The following ZMAT4 variants were observed in gnomAD, a reference collection of about 807,000 sequenced individuals.
ZMAT4 encodes zinc finger matrin-type 4.
In ZMAT4, 17 loss-of-function variants were observed where a neutral mutation model predicts 28.7. The observed-to-expected ratio is 0.59, with a 90% confidence interval of 0.41 to 0.89. ZMAT4 has a LOEUF of 0.89. Ranked by LOEUF, ZMAT4 falls within the 40% of genes least tolerant of loss-of-function variation. ZMAT4 has a pLI of 0.00. For synonymous variants in ZMAT4, 117 were observed against 109.2 expected (o/e 1.07, Z -0.44); for missense variants, 240 against 283.8 (o/e 0.85, Z 1.11).
intron 5 of ZMAT4, among the ~76,000 whole-genome samples, chr8:40,631,217 G>T (rs578180429): frequency 6.6e-6 from 1 of 152,244 alleles, no homozygotes; most frequent in African/African-American, 2.4e-5. Flanking sequence ...CTCTCGCCCA[G>T]GCTGGAGTGC....
chr8:40,693,215 A>G (rs957530852), intron 4 of ZMAT4, among the ~76,000 whole-genome samples: 2 of 152,058 alleles, frequency 1.3e-5, no homozygotes, highest in African/African-American at 2.4e-5. Context: ...CTCCCAGGCT[A>G]AATCAATCCT....
intron 5 of ZMAT4, among the ~76,000 whole-genome samples, chr8:40,630,152 CT>C (rs1215540251): frequency 2.0e-5 from 3 of 152,224 alleles, no homozygotes; most frequent in Non-Finnish European, 4.4e-5. Context: ...CAAATTCTCT[CT>C]TGTTTGGACC....
intron 2 of ZMAT4, among the ~76,000 whole-genome samples, chr8:40,781,914 C>T (rs1813852566): frequency 6.6e-6 from 1 of 151,972 alleles, no homozygotes; most frequent in African/African-American, 2.4e-5. Flanking sequence ...AGTTGGACTC[C>T]TACCTCCTAC....
chr8:40,703,863 G>T (rs545718266), intron 3 of ZMAT4, among the ~76,000 whole-genome samples: 1 of 152,254 alleles, frequency 6.6e-6, no homozygotes, highest in South Asian at 2.1e-4. Context: ...TCTTTTCCAG[G>T]CATCCTCTTC....
intron 2 of ZMAT4, among the ~76,000 whole-genome samples, chr8:40,791,129 C>T (rs1814307651): frequency 6.6e-6 from 1 of 152,158 alleles, no homozygotes; most frequent in South Asian, 2.1e-4. Flanking sequence ...TAAAAATTAA[C>T]TCAAGATGGA....
chr8:40,633,605 C>T (rs570835353), intron 5 of ZMAT4, among the ~76,000 whole-genome samples: 4 of 152,160 alleles, frequency 2.6e-5, no homozygotes, highest in African/African-American at 7.2e-5. Context: ...GTAACAACAT[C>T]AAGGTAATGT....
intron 5 of ZMAT4, among the ~76,000 whole-genome samples, chr8:40,653,362 C>T (rs377090831): frequency 2.6e-5 from 4 of 151,534 alleles, no homozygotes; most frequent in African/African-American, 9.7e-5. Flanking sequence ...GAGCAAAATA[C>T]TCAATGAAAA....
At chr8:40,777,669 A>C (rs1813655054) in intron 2 of ZMAT4, among the ~76,000 whole-genome samples, 1 of 152,208 alleles carries the variant, frequency 6.6e-6, no homozygotes, top group South Asian at 2.1e-4. Context: ...GAGAGATCAC[A>C]TGTGAATGGA....
intron 5 of ZMAT4, among the ~76,000 whole-genome samples, chr8:40,670,147 C>G (rs1294101209): frequency 6.6e-6 from 1 of 152,100 alleles, no homozygotes; most frequent in Non-Finnish European, 1.5e-5. Context: ...CATTTCGAGA[C>G]TTCTAGAATG....
At chr8:40,753,469 T>C (rs538407505) in intron 3 of ZMAT4, among the ~76,000 whole-genome samples, 1 of 152,230 alleles carries the variant, frequency 6.6e-6, no homozygotes, top group Non-Finnish European at 1.5e-5. Context: ...TGGAGTTCTT[T>C]ATTCTAAGCT....
chr8:40,748,997 T>TGA (rs1192453872), intron 3 of ZMAT4, among the ~76,000 whole-genome samples: 3 of 151,992 alleles, frequency 2.0e-5, no homozygotes, highest in Non-Finnish European at 4.4e-5. Context: ...ATAAGTCTCA[T>TGA]GAGATCTGAT....
intron 1 of ZMAT4, among the ~76,000 whole-genome samples, chr8:40,881,433 G>GAGAAAGAAGGAA: frequency 2.8e-5 from 2 of 70,316 alleles, no homozygotes; most frequent in African/African-American, 1.2e-4. Context: ...AGAAGAAAGA[G>GAGAAAGAAGGAA]AGAAAGAAAG....
intron 1 of ZMAT4, among the ~76,000 whole-genome samples, chr8:40,855,444 C>G (rs1343811052): frequency 6.6e-6 from 1 of 152,098 alleles, no homozygotes; most frequent in Non-Finnish European, 1.5e-5. Context: ...AAAACTGTCT[C>G]TCTCCACAAA....
intron 5 of ZMAT4, among the ~76,000 whole-genome samples, chr8:40,616,177 C>A (rs1358024206): frequency 6.6e-6 from 1 of 152,142 alleles, no homozygotes; most frequent in Non-Finnish European, 1.5e-5. Context: ...CAAATCAAAA[C>A]CACAATGAGA....
At position 40,601,715 on chromosome 8, in the gene ZMAT4, AAGAAAGAAAGAAAGAG is replaced by A. The variant is rs1444770326; in HGVS notation, c.578-20470_578-20455del. 1.9e-4 allele frequency among the ~76,000 whole-genome samples: 12 copies of A among 64,738 alleles called. 1 individual carries two copies. The highest frequency in any genetic ancestry group is 7.3e-4 in the Admixed American group (5 of 6,886). The allele number at this position is 64,738 out of a possible 152,430, so 42.5% of individuals were successfully genotyped here. On this transcript the variant is annotated intron_variant, in intron 5 of 6. Transcript: ENST00000297737. ...AAGAAAGAAAGAAAGAAAAGAAAGAAAGAAAGAAAGAAAGAGAAAGCAGGCAGGCAGGCAGGCAAAG... is the reference window on the plus strand; with the variant it reads ...AAGAAAGAAAGAAAGAAAAGAAAGAAAAAGCAGGCAGGCAGGCAGGCAAAG...
chr8:40,845,864 G>A (rs1816874773), intron 1 of ZMAT4, among the ~76,000 whole-genome samples: 1 of 151,056 alleles, frequency 6.6e-6, no homozygotes, highest in Non-Finnish European at 1.5e-5. Context: ...ATAGAGCCAA[G>A]CATCAATTAG....
At chr8:40,660,375 C>A (rs761908823) in intron 5 of ZMAT4, among the ~76,000 whole-genome samples, 1 of 152,200 alleles carries the variant, frequency 6.6e-6, no homozygotes, top group Non-Finnish European at 1.5e-5. Flanking sequence ...ATCTGAAGAT[C>A]TAAAAAGCAT....
chr8:40,574,797 A>C (rs1184222967), intron 6 of ZMAT4, among the ~76,000 whole-genome samples: 1 of 152,174 alleles, frequency 6.6e-6, no homozygotes, highest in East Asian at 1.9e-4. Context: ...CCACATTGTC[A>C]CTGCAGACAC....
chr8:40,599,562 G>A (rs1333909688), intron 5 of ZMAT4, among the ~76,000 whole-genome samples: 3 of 152,140 alleles, frequency 2.0e-5, no homozygotes, highest in Non-Finnish European at 4.4e-5. Context: ...CCTCCCCTTG[G>A]TAAAAATAGA....
Sources: allele counts gnomAD v4.1 joint callset (sites outside exome capture counted in the v4.1 genomes callset), GRCh38; gene constraint gnomAD v4.1.1; transcripts MANE v1.5; gene names NCBI Gene and HGNC (gene_info 2026-07-23, HGNC 2026-07-21).